Variants in MED20 observed in about 807,000 individuals in gnomAD.
The protein encoded by MED20 is mediator complex subunit 20, also known as mediator of RNA polymerase II transcription subunit 20.
In MED20, 19 loss-of-function variants were observed where a neutral mutation model predicts 19.7. That is an observed-to-expected ratio of 0.96 (90% confidence interval 0.67 to 1.42). The LOEUF is 1.42. Ranked by LOEUF, MED20 falls within the 40% of genes most tolerant of loss-of-function variation. The probability of loss-of-function intolerance (pLI) is 0.00; values close to 1 mark genes in which losing one functional copy is unlikely to be tolerated. For missense variants in MED20, 225 were observed against 273.0 expected (o/e 0.82, Z 1.24); for synonymous variants, 105 against 104.8 (o/e 1.00, Z -0.01).
intron 2 of MED20, among the ~76,000 whole-genome samples, chr6:41,914,342 C>G (rs2127378512): frequency 6.6e-6 from 1 of 152,276 alleles, no homozygotes; most frequent in African/African-American, 2.4e-5. Context: ...TTCTCTGGTG[C>G]CTCTCAATAA....
At chr6:41,919,941 G>A (rs1775417009) in intron 1 of MED20, among the ~76,000 whole-genome samples, 1 of 152,148 alleles carries the variant, frequency 6.6e-6, no homozygotes, top group South Asian at 2.1e-4. Context: ...AGGAGGAAAA[G>A]TATTTCCCCT....
chr6:41,908,934 G>A, intron 3 of MED20: 1 of 367,242 alleles, frequency 2.7e-6, no homozygotes, highest in South Asian at 8.4e-5. Context: ...TGTAACCCCA[G>A]CACTTTGGGG....
rs1582068041 is a variant in MED20, at chr6:41,921,093, C to T, written c.-75G>A. 3.2e-6 allele frequency: 5 copies of T among 1,581,142 alleles called. No homozygotes were observed. In the East Asian group the frequency reaches 1.2e-4, roughly 37 times the overall value. On this transcript the variant is annotated 5_prime_UTR_variant, in exon 1 of 4. Coordinates refer to ENST00000265350, the MANE Select transcript of MED20 (RefSeq NM_004275.5). ...CCCTGTCCGCCCACAGAAACTCCTTCAGTTCCCCAACACAACCTTCTGTCT... is the reference window on the plus strand; with the variant it reads ...CCCTGTCCGCCCACAGAAACTCCTTTAGTTCCCCAACACAACCTTCTGTCT...
intron 2 of MED20, among the ~76,000 whole-genome samples, chr6:41,911,173 CAG>C (rs1416287326): frequency 6.9e-6 from 1 of 143,920 alleles, no homozygotes; most frequent in Non-Finnish European, 1.5e-5. Context: ...TTTTTTGAGA[CAG>C]AGTCTCACTC....
intron 2 of MED20, among the ~76,000 whole-genome samples, chr6:41,911,557 T>G (rs897450627): frequency 1.3e-5 from 2 of 151,992 alleles, no homozygotes; most frequent in Admixed American, 6.6e-5. Flanking sequence ...TAGGAAAAGA[T>G]TAAAATGAAC....
intron 1 of MED20, among the ~76,000 whole-genome samples, chr6:41,918,729 T>G (rs1160982042): frequency 3.0e-4 from 42 of 141,170 alleles, no homozygotes; most frequent in African/African-American, 1.1e-3. Context: ...GGGTGGATCA[T>G]GAGGTCAGGA....
chr6:41,909,663 C>A, intron 2 of MED20, 141 bp from the exon 3 acceptor site: 3 of 1,262,874 alleles, frequency 2.4e-6, no homozygotes, highest in Non-Finnish European at 1.1e-6. Context: ...TGAGGGGAAT[C>A]CTCTCACTGA....
At position 41,907,801 on chromosome 6, in the gene MED20, A is replaced by G. The variant is rs570131145; in HGVS notation, c.424-514T>C. Among the ~76,000 whole-genome samples the G allele has an allele frequency of 2.6e-5, 4 of 152,322 alleles. 1 individual carries two copies. The South Asian group carries it at 8.3e-4, about 32-fold the overall frequency. On this transcript the variant is annotated intron_variant, in intron 3 of 3. Coordinates refer to ENST00000265350, the MANE Select transcript of MED20 (RefSeq NM_004275.5). ...CAAATAGTGTGTCATGGGCCAAAAA[A>G]TATACATCTTAGGTTTTCTCCTTCT...
intron 3 of MED20, 95 bp from the exon 4 acceptor site, chr6:41,907,382 A>G (rs1372835973): frequency 8.4e-7 from 1 of 1,192,834 alleles, no homozygotes; most frequent in Non-Finnish European, 1.2e-6. Flanking sequence ...ATCTTCCCCA[A>G]CCCCGAGCTA....
At position 41,909,393 on chromosome 6, in the gene MED20, C is replaced by G; in HGVS notation, c.299G>C (p.Gly100Ala). 1 of 1,614,184 alleles carries G rather than the reference C, an allele frequency of 6.2e-7. No homozygotes were observed. Among genetic ancestry groups the G allele is most frequent in the Non-Finnish European group, 8.5e-7 (1 of 1,180,038 alleles). The change falls in exon 3 of 4, where the codon GGC (glycine) becomes GCC (alanine). Residue 100 changes from glycine to alanine, a missense_variant. Physicochemically the swap from Gly to Ala is moderately conservative, Grantham distance 60. Transcript: ENST00000265350. The part of the protein sequence containing the change: ...NFDVLMVKLK[G>A]FFQSAKASKI... ...GCTGGCCTTAGCACTCTGGAAAAAG[C>G]CCTTGAGCTTCACCATAAGCACATC...
chr6:41,908,911 G>A (rs1582053530), intron 3 of MED20: 1 of 319,708 alleles, frequency 3.1e-6, no homozygotes, highest in Non-Finnish European at 5.7e-6. Context: ...GGCCAGGTGT[G>A]TTGGCTCATA....
chr6:41,915,710 C>G (rs1316941808), intron 2 of MED20, among the ~76,000 whole-genome samples: 1 of 151,598 alleles, frequency 6.6e-6, no homozygotes, highest in Non-Finnish European at 1.5e-5. Context: ...TGGCGTGAAC[C>G]CTGGAGGCGG....
chr6:41,917,648 G>C, intron 1 of MED20: 1 of 414,594 alleles, frequency 2.4e-6, no homozygotes, highest in South Asian at 1.7e-5. Flanking sequence ...GCGTTCTCAA[G>C]TGTGGCATGC....
chr6:41,920,962 C>T (rs1337011134), intron 1 of MED20, 43 bp downstream of exon 1: 1 of 1,598,966 alleles, frequency 6.3e-7, no homozygotes, highest in Non-Finnish European at 8.5e-7. Context: ...TCCGGCCTTT[C>T]ACAACTCCAA....
Position 41,905,596 on chromosome 6 carries a change from C to G in MED20, c.*1476G>C, listed in dbSNP as rs972756699. 6.6e-6 allele frequency: 1 copy of G among 152,136 alleles called. No individual in the cohort carries two copies. The highest frequency in any genetic ancestry group is 2.4e-5 in the African/African-American group (1 of 41,410). 9.4% of individuals were successfully genotyped at this position (152,136 alleles called of 1,614,324 possible). The stretch of plus-strand genomic sequence containing the variant: ...CTGAAAACAGTTTCTCTTTAGATGC[C>G]TTCAAATAAGGGACAGTATCCTTGA... On this transcript the variant is annotated 3_prime_UTR_variant, in exon 4 of 4. Transcript: ENST00000265350.
In MED20 at chr6:41,911,154, C is replaced by CTT. The variant is rs544752819; in HGVS notation, c.170-1634_170-1633dup. Among the ~76,000 whole-genome samples, 85 of 140,502 alleles carry CTT rather than the reference C, an allele frequency of 6.0e-4. No homozygotes were observed. The South Asian group carries it at 0.016, about 26-fold the overall frequency. The allele number at this position is 140,502 out of a possible 152,430, so 92.2% of individuals were successfully genotyped here. ...TCTCATGAGAGAGATAGGCTAAAAA[C>CTT]TTTTTTTTTTTTTTGAGACAGAGTC... On this transcript the variant is annotated intron_variant, in intron 2 of 3. Transcript: ENST00000265350.
chr6:41,917,777 G>A (rs1300230335), intron 1 of MED20: 1 of 471,220 alleles, frequency 2.1e-6, no homozygotes, highest in East Asian at 6.9e-5. Context: ...GTCTCCGTTT[G>A]GGTTAACATG....
intron 2 of MED20, among the ~76,000 whole-genome samples, chr6:41,912,352 CTTTTTT>C (rs70987544): frequency 1.1e-5 from 1 of 87,624 alleles, no homozygotes; most frequent in Non-Finnish European, 2.1e-5. Context: ...GACCATAGTA[CTTTTTT>C]TTTTTTTTTT....
rs373907848 is a variant in MED20, at chr6:41,907,059, C to A, written c.*13G>T. ...ACCCCTGGTGACAGAGCTCAGCTGG[C>A]AGCTGCTCATCACTAACGAATCCCA... On this transcript the variant is annotated 3_prime_UTR_variant, in exon 4 of 4. Transcript: ENST00000265350. 2.4e-5 allele frequency: 39 copies of A among 1,611,428 alleles called. No homozygotes were observed. Among genetic ancestry groups the A allele is most frequent in the Non-Finnish European group, 1.8e-5 (21 of 1,178,966 alleles).
Sources: allele counts gnomAD v4.1 joint callset (sites outside exome capture counted in the v4.1 genomes callset), GRCh38; gene constraint gnomAD v4.1.1; transcripts MANE v1.5; gene names NCBI Gene and HGNC (gene_info 2026-07-23, HGNC 2026-07-21).